The following ITGA8 variants were observed in gnomAD, a reference collection of about 807,000 sequenced individuals.
ITGA8 encodes the protein integrin subunit alpha 8.
In ITGA8, 91 loss-of-function variants were observed where a neutral mutation model predicts 142.3. The ratio of observed to expected loss-of-function variants is 0.64; its 90% CI spans 0.54 to 0.76. The LOEUF is 0.76. Ranked by LOEUF, ITGA8 falls within the 30% of genes least tolerant of loss-of-function variation. The probability of loss-of-function intolerance (pLI) is 0.00; values close to 1 mark genes in which losing one functional copy is unlikely to be tolerated. For missense variants in ITGA8, 1,406 were observed against 1,327.7 expected (o/e 1.06, Z -0.92); for synonymous variants, 505 against 485.2 (o/e 1.04, Z -0.54).
chr10:15,565,573 A>ATTTTCTTTTTT (rs1834062893), intron 25 of ITGA8, among the ~76,000 whole-genome samples: 1 of 34,764 alleles, frequency 2.9e-5, no homozygotes, highest in African/African-American at 1.1e-4. Context: ...TCATGTCCTG[A>ATTTTCTTTTTT]TTTTTTTTTT....
chr10:15,524,364 T>C (rs1833127151), intron 28 of ITGA8, among the ~76,000 whole-genome samples: 1 of 152,224 alleles, frequency 6.6e-6, no homozygotes, highest in Non-Finnish European at 1.5e-5. Flanking sequence ...TGGAAAGAGT[T>C]AGACAAGGAG....
At chr10:15,530,525 G>C (rs1056771876) in intron 28 of ITGA8, among the ~76,000 whole-genome samples, 2 of 101,890 alleles carry the variant, frequency 2.0e-5, no homozygotes, top group African/African-American at 4.0e-5. Flanking sequence ...CAACCTGGGC[G>C]ACAGAGCGAG....
chr10:15,618,878 G>A (rs1170066394), intron 13 of ITGA8, among the ~76,000 whole-genome samples: 1 of 152,136 alleles, frequency 6.6e-6, no homozygotes, highest in African/African-American at 2.4e-5. Flanking sequence ...CCCTTTATAT[G>A]TTCAGCAATC....
chr10:15,610,475 C>A (rs994262719), intron 15 of ITGA8, among the ~76,000 whole-genome samples: 2 of 143,428 alleles, frequency 1.4e-5, no homozygotes, highest in African/African-American at 5.2e-5. Flanking sequence ...TCAGTATGGC[C>A]CATTAGTCTA....
chr10:15,575,746 C>T (rs1465425880), intron 23 of ITGA8, 152 bp from the exon 24 acceptor site: 2 of 616,486 alleles, frequency 3.2e-6, no homozygotes, highest in Admixed American at 2.5e-5. Flanking sequence ...AAGTGATGTA[C>T]AGTAGAATGA....
chr10:15,582,805 A>G (rs1394303967), intron 23 of ITGA8, among the ~76,000 whole-genome samples: 2 of 152,250 alleles, frequency 1.3e-5, no homozygotes, highest in East Asian at 1.9e-4. Flanking sequence ...CATGACTGCA[A>G]CTCTCATGCA....
intron 26 of ITGA8, among the ~76,000 whole-genome samples, chr10:15,555,296 A>G (rs553340224): frequency 2.2e-4 from 34 of 152,360 alleles, no homozygotes; most frequent in Non-Finnish European, 4.3e-4. Context: ...AGGGCACACC[A>G]TGGAGCATTT....
intron 26 of ITGA8, among the ~76,000 whole-genome samples, chr10:15,557,665 T>C (rs539064365): frequency 4.2e-4 from 64 of 152,250 alleles, no homozygotes; most frequent in African/African-American, 1.5e-3. Context: ...GAACACACCA[T>C]TCTTGCCTCT....
intron 2 of ITGA8, among the ~76,000 whole-genome samples, chr10:15,693,731 C>A (rs1834975414): frequency 6.6e-6 from 1 of 152,138 alleles, no homozygotes; most frequent in African/African-American, 2.4e-5. Context: ...TAAAATGAGG[C>A]TGAGAATATA....
At chr10:15,680,216 CTTTTTTTTTTTTTTTTTTTT>C (rs71374638) in intron 4 of ITGA8, among the ~76,000 whole-genome samples, 1 of 54,230 alleles carries the variant, frequency 1.8e-5, no homozygotes, top group Non-Finnish European at 3.1e-5. Flanking sequence ...CCAGATGCTC[CTTTTTTTTTTTTTTTTTTTT>C]TTTTTTTTTG....
chr10:15,522,129 G>A (rs553970020), intron 28 of ITGA8, among the ~76,000 whole-genome samples: 2 of 152,336 alleles, frequency 1.3e-5, no homozygotes, highest in East Asian at 3.9e-4. Flanking sequence ...ATAAATGTTT[G>A]AGACAATAGA....
chr10:15,561,014 C>A (rs545657926), intron 25 of ITGA8, among the ~76,000 whole-genome samples: 6 of 151,892 alleles, frequency 4.0e-5, no homozygotes, highest in Non-Finnish European at 7.4e-5. Flanking sequence ...CTGCTTTAGC[C>A]TCCCAAATAG....
intron 23 of ITGA8, among the ~76,000 whole-genome samples, chr10:15,578,172 C>T (rs1222446523): frequency 6.6e-6 from 1 of 152,152 alleles, no homozygotes; most frequent in Non-Finnish European, 1.5e-5. Context: ...ACGTCCACTT[C>T]CCTCTGTCCC....
intron 13 of ITGA8, among the ~76,000 whole-genome samples, chr10:15,627,456 T>C (rs1044469930): frequency 2.6e-5 from 4 of 152,204 alleles, no homozygotes; most frequent in Admixed American, 2.6e-4. Flanking sequence ...TTAGGGTTGA[T>C]AGTTTTCAGG....
At chr10:15,603,371 A>T (rs1344713405) in intron 20 of ITGA8, among the ~76,000 whole-genome samples, 1 of 152,220 alleles carries the variant, frequency 6.6e-6, no homozygotes, top group Admixed American at 6.5e-5. Context: ...TAATACATTT[A>T]AGCTAAATGA....
chr10:15,538,511 C>T (rs1466775435), intron 27 of ITGA8, among the ~76,000 whole-genome samples: 2 of 33,564 alleles, frequency 6.0e-5, no homozygotes, highest in South Asian at 1.8e-3. Context: ...GACTCCGTCT[C>T]GAAAAAAAAA....
chr10:15,594,046 T>A (rs10906934), intron 21 of ITGA8, among the ~76,000 whole-genome samples: 1 of 151,704 alleles, frequency 6.6e-6, no homozygotes, highest in South Asian at 2.1e-4. Flanking sequence ...TTCATCTTGT[T>A]GGCCAGGCTG....
chr10:15,617,794 G>A (rs1475511538), intron 13 of ITGA8, among the ~76,000 whole-genome samples: 2 of 79,408 alleles, frequency 2.5e-5, no homozygotes. Flanking sequence ...GTAAAATTTA[G>A]ATGTAAGAAA....
chr10:15,561,422 A>G (rs1271786726), intron 25 of ITGA8, among the ~76,000 whole-genome samples: 1 of 152,058 alleles, frequency 6.6e-6, no homozygotes, highest in Non-Finnish European at 1.5e-5. Flanking sequence ...CATAAAAATC[A>G]TGAACAATGT....
Sources: allele counts gnomAD v4.1 joint callset (sites outside exome capture counted in the v4.1 genomes callset), GRCh38; gene constraint gnomAD v4.1.1; transcripts MANE v1.5; gene names NCBI Gene and HGNC (gene_info 2026-07-23, HGNC 2026-07-21).